SPIRE1: variants seen among roughly 807,000 people sequenced by gnomAD.
SPIRE1 encodes the protein spire type actin nucleation factor 1.
A neutral mutation model predicts 94.1 loss-of-function variants in SPIRE1; 40 were observed. That is an observed-to-expected ratio of 0.43 (90% CI 0.33 to 0.55). SPIRE1 has a LOEUF of 0.55. Among genes scored for constraint, SPIRE1 ranks in the 20% least tolerant of loss-of-function variants. The pLI is 0.06. For synonymous variants in SPIRE1, 376 were observed against 371.7 expected, an observed-to-expected ratio of 1.01 and a Z score of -0.13; for missense variants, 838 against 975.2, an observed-to-expected ratio of 0.86 and a Z score of 1.87.
chr18:12,657,880 G>A lies in SPIRE1; in HGVS notation c.-14C>T, dbSNP rs1399127179. On this transcript the variant is annotated 5_prime_UTR_variant, in exon 1 of 17. Coordinates refer to ENST00000409402, the MANE Select transcript of SPIRE1 (RefSeq NM_001128626.2). ...CGCCTGAGCCATCCCGCGGGTGGGC[G>A]CTGCGCTCGGCAGTCGCGCCGTGTG... 7 of 1,048,384 alleles carry A rather than the reference G, an allele frequency of 6.7e-6. No homozygotes were observed. The highest frequency in any genetic ancestry group is 8.0e-6 in the Non-Finnish European group (7 of 874,112). 64.9% of individuals were successfully genotyped at this position (1,048,384 alleles called of 1,614,324 possible).
chr18:12,572,562 T>C (rs1163917787), intron 2 of SPIRE1, among the ~76,000 whole-genome samples: 1 of 152,156 alleles, frequency 6.6e-6, no homozygotes, highest in African/African-American at 2.4e-5. Flanking sequence ...TGAGCCATGT[T>C]GGCACCACTG....
chr18:12,466,362 C>T (rs188538910), intron 10 of SPIRE1, among the ~76,000 whole-genome samples: 29 of 152,120 alleles, frequency 1.9e-4, no homozygotes, highest in Admixed American at 5.9e-4. Flanking sequence ...CTGCGACCTC[C>T]GCCTCCCGGG....
At chr18:12,456,116 G>A (rs1410680860) in intron 12 of SPIRE1, among the ~76,000 whole-genome samples, 2 of 152,108 alleles carry the variant, frequency 1.3e-5, no homozygotes, top group Admixed American at 6.5e-5. Context: ...GAGGACAGGG[G>A]GATGAGTTTA....
intron 2 of SPIRE1, among the ~76,000 whole-genome samples, chr18:12,557,318 C>T (rs2035544538): frequency 6.6e-6 from 1 of 152,182 alleles, no homozygotes; most frequent in South Asian, 2.1e-4. Flanking sequence ...AGCTGAGGCC[C>T]AGTGAGAATT....
intron 4 of SPIRE1, among the ~76,000 whole-genome samples, chr18:12,515,214 C>CTT (rs905520628): frequency 6.7e-6 from 1 of 149,170 alleles, no homozygotes; most frequent in Admixed American, 6.7e-5. Flanking sequence ...ATACTTTTTT[C>CTT]TTTTTTTTTT....
intron 2 of SPIRE1, among the ~76,000 whole-genome samples, chr18:12,582,410 T>TA (rs1441978309): frequency 6.6e-6 from 1 of 152,128 alleles, no homozygotes; most frequent in Non-Finnish European, 1.5e-5. Flanking sequence ...TCTCCAACTT[T>TA]AAAAAATATG....
chr18:12,572,661 G>C (rs1190381421), intron 2 of SPIRE1, among the ~76,000 whole-genome samples: 1 of 152,148 alleles, frequency 6.6e-6, no homozygotes, highest in Non-Finnish European at 1.5e-5. Context: ...AAGATACACT[G>C]TGGTACTGGC....
At chr18:12,550,074 A>G (rs2035306224) in intron 2 of SPIRE1, among the ~76,000 whole-genome samples, 1 of 152,216 alleles carries the variant, frequency 6.6e-6, no homozygotes, top group Non-Finnish European at 1.5e-5. Flanking sequence ...ACAAACTGAT[A>G]GGAATCTCTA....
chr18:12,618,948 G>C (rs573931578), intron 2 of SPIRE1, among the ~76,000 whole-genome samples: 2 of 152,018 alleles, frequency 1.3e-5, no homozygotes, highest in South Asian at 2.1e-4. Context: ...GCAATGGTGC[G>C]ATCTCGGCTC....
chr18:12,610,402 C>A (rs1370116310), intron 2 of SPIRE1, among the ~76,000 whole-genome samples: 1 of 152,098 alleles, frequency 6.6e-6, no homozygotes, highest in South Asian at 2.1e-4. Context: ...CCCTACCATC[C>A]ATTGATCTTA....
chr18:12,654,418 G>C (rs537356327), intron 1 of SPIRE1, among the ~76,000 whole-genome samples: 1 of 148,682 alleles, frequency 6.7e-6, no homozygotes, highest in Admixed American at 6.7e-5. Context: ...AGGCCGAGAC[G>C]GGCGGATCAC....
In SPIRE1 at chr18:12,657,696, C is replaced by A; in HGVS notation, c.171G>T (p.Gln57His). ...RLYNQPINEE[Q>H]AWAVCYQCCG... is the part of the protein sequence containing the mutation. ...AGCACTGGTAGCACACGGCCCACGC[C>A]TGCTCCTCGTTGATGGGCTGGTTGT... Residue 57 changes from glutamine (Q) to histidine (H), a missense_variant, in exon 1 of 17, where the codon CAG becomes CAT. Gln to His is a conservative substitution (Grantham distance 24). Coordinates refer to ENST00000409402, the MANE Select transcript of SPIRE1 (RefSeq NM_001128626.2). 1 of 1,407,448 alleles carries A rather than the reference C, an allele frequency of 7.1e-7. No homozygotes were observed. Among genetic ancestry groups the A allele is most frequent in the Non-Finnish European group, 9.3e-7 (1 of 1,073,894 alleles). 87.2% of individuals were successfully genotyped at this position (1,407,448 alleles called of 1,614,324 possible).
chr18:12,604,942 C>G (rs2036931909), intron 2 of SPIRE1, among the ~76,000 whole-genome samples: 1 of 151,896 alleles, frequency 6.6e-6, no homozygotes, highest in Admixed American at 6.5e-5. Flanking sequence ...CTCTAACACA[C>G]TATAGCATGG....
chr18:12,509,411 T>C (rs2033951877), intron 5 of SPIRE1, among the ~76,000 whole-genome samples: 1 of 152,206 alleles, frequency 6.6e-6, no homozygotes, highest in Admixed American at 6.5e-5. Context: ...GTTATTTATC[T>C]GGTTTCAGTG....
chr18:12,600,767 G>A (rs2036811381), intron 2 of SPIRE1, among the ~76,000 whole-genome samples: 1 of 151,866 alleles, frequency 6.6e-6, no homozygotes, highest in Non-Finnish European at 1.5e-5. Flanking sequence ...CTGTCACTCA[G>A]GGTGGAGTGC....
rs140688324 is a variant in SPIRE1 at position 12,634,979 on chromosome 18, T to C, written c.372+83A>G. 1.0e-3 allele frequency: 739 copies of C among 710,300 alleles called. 1 individual carries two copies. In the African/African-American group the frequency reaches 0.012, roughly 12 times the overall value. The allele number at this position is 710,300 out of a possible 1,614,324, so 44.0% of individuals were successfully genotyped here. ...ATCTTATCAGAAGACCAAGAACCTA[T>C]AGTGAGATAGTTCAGTACTCAAGTT... On this transcript the variant is annotated intron_variant, in intron 2 of 16. Coordinates refer to ENST00000409402, the MANE Select transcript of SPIRE1 (RefSeq NM_001128626.2).
intron 1 of SPIRE1, among the ~76,000 whole-genome samples, chr18:12,643,257 T>C (rs1276978666): frequency 6.6e-6 from 1 of 152,192 alleles, no homozygotes; most frequent in African/African-American, 2.4e-5. Flanking sequence ...GATTAAACTT[T>C]TCCCTAGTAA....
intron 10 of SPIRE1, among the ~76,000 whole-genome samples, chr18:12,474,681 G>C (rs1396710004): frequency 6.6e-6 from 1 of 152,114 alleles, no homozygotes; most frequent in Non-Finnish European, 1.5e-5. Flanking sequence ...AACTAGCTGA[G>C]TGTGGTGGTG....
At position 12,545,679 on chromosome 18, in the gene SPIRE1, A is replaced by T. The variant is rs574169462; in HGVS notation, c.603+995T>A. ...AAAAGAGAAAAATTCAGTATAACCA[A>T]CCAAACTTGCTTCATTACATATAAA... On this transcript the variant is annotated intron_variant, in intron 3 of 16. Transcript: ENST00000409402. Among the ~76,000 whole-genome samples, 3 of 152,290 alleles carry T rather than the reference A, an allele frequency of 2.0e-5. No homozygotes were observed. The South Asian group carries it at 6.2e-4, about 32-fold the overall frequency.
Sources: allele counts gnomAD v4.1 joint callset (sites outside exome capture counted in the v4.1 genomes callset), GRCh38; gene constraint gnomAD v4.1.1; transcripts MANE v1.5; gene names NCBI Gene and HGNC (gene_info 2026-07-23, HGNC 2026-07-21).